Variants in TBC1D5 observed in about 807,000 individuals in gnomAD.
The protein encoded by TBC1D5 is TBC1 domain family member 5.
Under a neutral mutation model 100.3 loss-of-function variants are expected in TBC1D5, and 75 were observed. The ratio of observed to expected loss-of-function variants is 0.75; its 90% CI spans 0.62 to 0.91. TBC1D5 has a LOEUF of 0.91. TBC1D5 is among the 40% of genes least tolerant of loss of function. The pLI is 0.00. For synonymous variants in TBC1D5, 323 were observed against 325.6 expected (o/e 0.99, Z 0.09); for missense variants, 910 against 942.4 (o/e 0.97, Z 0.45).
intron 3 of TBC1D5, among the ~76,000 whole-genome samples, chr3:17,471,033 T>A (rs978363749): frequency 6.6e-6 from 1 of 152,178 alleles, no homozygotes; most frequent in Admixed American, 6.6e-5. Flanking sequence ...AAAAAATAGA[T>A]GTCATTGCAA....
chr3:17,667,041 C>CA (rs1170248778), intron 1 of TBC1D5, among the ~76,000 whole-genome samples: 3 of 151,942 alleles, frequency 2.0e-5, no homozygotes, highest in East Asian at 3.9e-4. Context: ...TATGTTGCTA[C>CA]AAAAAATCAT....
intron 13 of TBC1D5, among the ~76,000 whole-genome samples, chr3:17,367,040 G>T (rs994330434): frequency 6.6e-6 from 1 of 152,154 alleles, no homozygotes; most frequent in African/African-American, 2.4e-5. Context: ...AGCGTGTTAT[G>T]AGGGTCTTTC....
At chr3:17,307,439 G>A (rs1302399302) in intron 14 of TBC1D5, among the ~76,000 whole-genome samples, 1 of 152,168 alleles carries the variant, frequency 6.6e-6, no homozygotes. Context: ...TGGCTTTCCG[G>A]TTATTACAGA....
chr3:17,260,250 A>ATT (rs2078151968), intron 15 of TBC1D5, among the ~76,000 whole-genome samples: 1 of 152,220 alleles, frequency 6.6e-6, no homozygotes, highest in African/African-American at 2.4e-5. Flanking sequence ...GCTAATAAAA[A>ATT]AAGACCCCTT....
At chr3:17,724,516 T>C (rs1284707960) in intron 1 of TBC1D5, among the ~76,000 whole-genome samples, 1 of 152,186 alleles carries the variant, frequency 6.6e-6, no homozygotes, top group African/African-American at 2.4e-5. Flanking sequence ...AGGTAATCTT[T>C]TATTCTCTGG....
intron 19 of TBC1D5, among the ~76,000 whole-genome samples, chr3:17,175,604 G>A (rs1223901572): frequency 6.6e-6 from 1 of 152,194 alleles, no homozygotes; most frequent in African/African-American, 2.4e-5. Context: ...CAGAAACATA[G>A]CTGATGCCTT....
chr3:17,160,943 G>A (rs1167563083), exon 22 of TBC1D5: 1 of 1,604,858 alleles, frequency 6.2e-7, no homozygotes, highest in Non-Finnish European at 8.5e-7. Flanking sequence ...ATCCCTGTGG[G>A]GCAGGACTGG....
At chr3:17,326,198 A>C (rs976540013) in intron 13 of TBC1D5, among the ~76,000 whole-genome samples, 7 of 152,218 alleles carry the variant, frequency 4.6e-5, no homozygotes, top group African/African-American at 1.7e-4. Flanking sequence ...TAAAGAGAGA[A>C]CCTGAAATAA....
chr3:17,257,332 G>A (rs1356558823), intron 16 of TBC1D5, among the ~76,000 whole-genome samples: 1 of 152,148 alleles, frequency 6.6e-6, no homozygotes, highest in Non-Finnish European at 1.5e-5. Flanking sequence ...GACTACTGAA[G>A]GCAGGGATTT....
At chr3:17,555,004 C>A (rs1560150908) in intron 2 of TBC1D5, among the ~76,000 whole-genome samples, 1 of 152,024 alleles carries the variant, frequency 6.6e-6, no homozygotes, top group Non-Finnish European at 1.5e-5. Context: ...CACGTGCCAC[C>A]ACGTCCAGCT....
chr3:17,431,432 T>C (rs1444007923), intron 3 of TBC1D5, among the ~76,000 whole-genome samples: 2 of 152,022 alleles, frequency 1.3e-5, no homozygotes, highest in Non-Finnish European at 2.9e-5. Flanking sequence ...CAATATCTAA[T>C]GTAAAGTAAC....
At chr3:17,556,794 C>T in intron 2 of TBC1D5, among the ~76,000 whole-genome samples, 1 of 152,098 alleles carries the variant, frequency 6.6e-6, no homozygotes, top group South Asian at 2.1e-4. Context: ...CATGAAGTTA[C>T]CATTAGTAAC....
chr3:17,380,817 A>G (rs2092917204), intron 9 of TBC1D5, among the ~76,000 whole-genome samples: 1 of 152,092 alleles, frequency 6.6e-6, no homozygotes, highest in South Asian at 2.1e-4. Flanking sequence ...CATTTATATA[A>G]TCTCTGCAAT....
chr3:17,390,560 G>A, intron 8 of TBC1D5, among the ~76,000 whole-genome samples: 1 of 152,018 alleles, frequency 6.6e-6, no homozygotes, highest in East Asian at 1.9e-4. Context: ...CTTGGTGAGG[G>A]TTTATAATCA....
intron 13 of TBC1D5, among the ~76,000 whole-genome samples, chr3:17,313,492 CAT>C (rs1185421343): frequency 6.6e-6 from 1 of 152,078 alleles, no homozygotes; most frequent in Non-Finnish European, 1.5e-5. Context: ...TCTAAAATTG[CAT>C]ATAGAGATTT....
chr3:17,570,020 G>T (rs868243443), intron 2 of TBC1D5, among the ~76,000 whole-genome samples: 1 of 151,902 alleles, frequency 6.6e-6, no homozygotes, highest in East Asian at 1.9e-4. Flanking sequence ...ACAGGTACTA[G>T]AAAGTCAGAG....
intron 13 of TBC1D5, among the ~76,000 whole-genome samples, chr3:17,331,655 T>G (rs2086878547): frequency 6.6e-6 from 1 of 152,178 alleles, no homozygotes; most frequent in African/African-American, 2.4e-5. Flanking sequence ...GAGCTTATAT[T>G]GTAGTGGAGG....
At chr3:17,410,354 C>T (rs780760544) in intron 4 of TBC1D5, among the ~76,000 whole-genome samples, 2 of 152,158 alleles carry the variant, frequency 1.3e-5, no homozygotes, top group Admixed American at 1.3e-4. Flanking sequence ...CACCCAAGAG[C>T]TCTGATGGAT....
intron 3 of TBC1D5, among the ~76,000 whole-genome samples, chr3:17,434,308 G>A (rs969323844): frequency 6.6e-6 from 1 of 152,186 alleles, no homozygotes; most frequent in Non-Finnish European, 1.5e-5. Context: ...CTTCTGCCTG[G>A]ACATCCAGGT....
Sources: gnomAD v4.1 joint callset for allele counts (sites outside exome capture counted in the v4.1 genomes callset) on GRCh38, gnomAD v4.1.1 for gene constraint, MANE v1.5 for transcripts, NCBI Gene and HGNC (gene_info 2026-07-23, HGNC 2026-07-21) for gene names.